Variants in DOK1 observed in about 807,000 individuals in gnomAD.
DOK1 encodes Downstream of tyrosine kinase 1.
In DOK1, 12 loss-of-function variants were observed where a neutral mutation model predicts 24.0. The observed-to-expected ratio is 0.50, with a 90% confidence interval of 0.32 to 0.81. The LOEUF is 0.81. Among genes scored for constraint, DOK1 ranks in the 30% least tolerant of loss-of-function variants. DOK1 has a pLI of 0.03. For synonymous variants in DOK1, 250 were observed against 260.9 expected (o/e 0.96, Z 0.40); for missense variants, 591 against 620.7 (o/e 0.95, Z 0.51).
chr2:74,554,895 G>A lies in DOK1; in HGVS notation c.60+81G>A. 7 of 1,585,654 alleles carry A rather than the reference G, an allele frequency of 4.4e-6. No homozygotes were observed. Among genetic ancestry groups the A allele is most frequent in the Non-Finnish European group, 6.0e-6 (7 of 1,165,132 alleles). On this transcript the variant is annotated intron_variant, in intron 1 of 4. Transcript: ENST00000233668. This position sits in a 1 kb window ranked among gnomAD's most constrained non-coding sequence, Gnocchi z 4.9. Reference sequence around the variant, plus strand: ...CCAGAAACAGGGAGAGGTGGGCAGCGGGCTGGAGAGCGGCGCCGGGAGTTG... The same window carrying A: ...CCAGAAACAGGGAGAGGTGGGCAGCAGGCTGGAGAGCGGCGCCGGGAGTTG...
At chr2:74,554,531 C>T (rs1677253983), upstream of DOK1, 3 of 573,782 alleles carry the variant, frequency 5.2e-6, no homozygotes, top group South Asian at 4.2e-5. The surrounding 1 kb of genome is among the most constrained non-coding windows in gnomAD (Gnocchi z 4.9). Context: ...GCCACTGGCG[C>T]GCCCCCACGA....
chr2:74,553,492 C>T (rs573887695), upstream of DOK1, among the ~76,000 whole-genome samples: 14 of 152,318 alleles, frequency 9.2e-5, no homozygotes, highest in Admixed American at 3.3e-4. Context: ...AGGCCAGGCG[C>T]TATGGCTCCT....
At chr2:74,552,459 T>G, upstream of DOK1, 3 of 1,613,772 alleles carry the variant, frequency 1.9e-6, no homozygotes, top group Non-Finnish European at 2.5e-6. Flanking sequence ...TCGCTGTATC[T>G]CCACGCGGCC....
At chr2:74,549,770 G>A, upstream of DOK1, 1 of 1,428,678 alleles carries the variant, frequency 7.0e-7, no homozygotes, top group Admixed American at 2.9e-5. This position sits in a 1 kb window ranked among gnomAD's most constrained non-coding sequence, Gnocchi z 5.3. Context: ...CCAGCAGCGC[G>A]TGGGATGTGC....
In DOK1 at chr2:74,549,668, G is replaced by T; in HGVS notation, c.-358+496G>T. The T allele has an allele frequency of 6.7e-7, 1 of 1,486,112 alleles. No individual in the cohort carries two copies. Among genetic ancestry groups the T allele is most frequent in the Non-Finnish European group, 9.0e-7 (1 of 1,111,160 alleles). 92.1% of individuals were successfully genotyped at this position (1,486,112 alleles called of 1,614,324 possible). A position where few individuals can be genotyped will look rare whatever the true frequency, so the allele number is the denominator to read the frequency against. On this transcript the variant is annotated intron_variant, in intron 1 of 4. Coordinates refer to the DOK1 transcript ENST00000409429. This position sits in a 1 kb window ranked among gnomAD's most constrained non-coding sequence, Gnocchi z 5.3. ...GCCCTTAAGGAACCCTGCTTGGTGT[G>T]CCTGCTGTAAACCCAGTGGCGGGAT... is the stretch of plus-strand genomic sequence containing the variant.
At chr2:74,550,035 T>C, upstream of DOK1, 2 of 1,470,946 alleles carry the variant, frequency 1.4e-6, no homozygotes. Context: ...TTTTACAGCA[T>C]CTGGGAGCTC....
Position 74,555,190 on chromosome 2 carries a change from A to G in DOK1, c.97A>G (p.Ser33Gly). 2 of 1,613,406 alleles carry G rather than the reference A, an allele frequency of 1.2e-6. No individual in the cohort carries two copies. Among genetic ancestry groups the G allele is most frequent in the Non-Finnish European group, 8.5e-7 (1 of 1,179,974 alleles). ...GACCTGGGCCGTGCTCTACCCGGCC[A>G]GTCCCCACGGCGTAGCGCGGCTCGA... ...RKTWAVLYPA[S>G]PHGVARLEFF... is the part of the protein sequence containing the mutation. The change falls in exon 2 of 5, where the codon AGT becomes GGT. Residue 33 changes from serine to glycine, a missense_variant. By Grantham distance (56) the Ser-to-Gly change is moderately conservative (BLOSUM62 0). Transcript: ENST00000233668. This position sits in a 1 kb window ranked among gnomAD's most constrained non-coding sequence, Gnocchi z 6.1.
chr2:74,554,949 C>T lies in DOK1; in HGVS notation c.60+135C>T. Reference sequence around the variant, plus strand: ...AGCCTGTGACTTTCCCGTGAAGTTGCTTTGCACACTCCCGGGAAGCGTCTG... The same window carrying T: ...AGCCTGTGACTTTCCCGTGAAGTTGTTTTGCACACTCCCGGGAAGCGTCTG... On this transcript the variant is annotated intron_variant, in intron 1 of 4. Transcript: ENST00000233668. The surrounding 1 kb of genome is among the most constrained non-coding windows in gnomAD (Gnocchi z 4.9). 6.8e-7 allele frequency: 1 copy of T among 1,473,250 alleles called. No homozygotes were observed. Among genetic ancestry groups the T allele is most frequent in the East Asian group, 2.5e-5 (1 of 40,636 alleles). The allele number at this position is 1,473,250 out of a possible 1,614,324, so 91.3% of individuals were successfully genotyped here.
Position 74,556,869 on chromosome 2 carries a change from C to T in DOK1, c.1201C>T (p.Pro401Ser), listed in dbSNP as rs761349293. 4 of 1,613,994 alleles carry T rather than the reference C, an allele frequency of 2.5e-6. No homozygotes were observed. The highest frequency in any genetic ancestry group is 2.7e-5 in the African/African-American group (2 of 74,916). Residue 401 changes from proline (P) to serine (S), a missense_variant, in exon 5 of 5, where the codon CCC becomes TCC. Pro to Ser is a moderately conservative substitution (Grantham distance 74). Transcript: ENST00000233668. The surrounding 1 kb of genome is among the most constrained non-coding windows in gnomAD (Gnocchi z 4.1). ...ARVKEEGYEL[P>S]YNPATDDYAV... The stretch of plus-strand genomic sequence containing the variant: ...GGTGAAGGAGGAGGGCTATGAGCTC[C>T]CCTACAACCCTGCCACTGATGACTA...
At chr2:74,552,576 C>T (rs1677086974), upstream of DOK1, 3 of 1,601,524 alleles carry the variant, frequency 1.9e-6, no homozygotes, top group South Asian at 2.2e-5. Flanking sequence ...GCACGAACTG[C>T]ACAGCAGGCA....
rs146597184 is a variant in DOK1, at chr2:74,556,417, A to G, written c.749A>G (p.His250Arg). 17 of 1,613,968 alleles carry G rather than the reference A, an allele frequency of 1.1e-5. No homozygotes were observed. In the African/African-American group the frequency reaches 1.9e-4, roughly 18 times the overall value. ...TTCCAGGCAGTTGAGACTGCCATCCACCGGCAGAAGGCCCAGGGAAAGGCC... is the reference window on the plus strand; with the variant it reads ...TTCCAGGCAGTTGAGACTGCCATCCGCCGGCAGAAGGCCCAGGGAAAGGCC... ...DIFQAVETAI[H>R]RQKAQGKAGQ... The change falls in exon 5 of 5, where the codon CAC (histidine) becomes CGC (arginine). Residue 250 changes from histidine to arginine, a missense_variant. Transcript: ENST00000233668. This position sits in a 1 kb window ranked among gnomAD's most constrained non-coding sequence, Gnocchi z 4.1.
Position 74,555,520 on chromosome 2 carries a change from C to A in DOK1, c.361-55C>A. On this transcript the variant is annotated intron_variant, in intron 2 of 4. Transcript: ENST00000233668. The surrounding 1 kb of genome is among the most constrained non-coding windows in gnomAD (Gnocchi z 6.1). Reference sequence around the variant, plus strand: ...GCAGAGAAATGGGGCTGCCTCAGACCGACCCCCGCTCCCCGCTGAGGAAAT... The same window carrying A: ...GCAGAGAAATGGGGCTGCCTCAGACAGACCCCCGCTCCCCGCTGAGGAAAT... 2 of 1,612,766 alleles carry A rather than the reference C, an allele frequency of 1.2e-6. No homozygotes were observed. The highest frequency in any genetic ancestry group is 1.7e-6 in the Non-Finnish European group (2 of 1,179,592).
chr2:74,549,383 G>A lies in DOK1; in HGVS notation c.-358+211G>A. 1.2e-6 allele frequency: 2 copies of A among 1,607,718 alleles called. No individual in the cohort carries two copies. Among genetic ancestry groups the A allele is most frequent in the Non-Finnish European group, 1.7e-6 (2 of 1,176,978 alleles). The stretch of plus-strand genomic sequence containing the variant: ...CGGCCCCTCACCTGTAGAAGGCCGC[G>A]TTGACCCTCTTTTCGCTGGGGAAGC... On this transcript the variant is annotated intron_variant, in intron 1 of 4. Transcript: ENST00000409429. The surrounding 1 kb of genome is among the most constrained non-coding windows in gnomAD (Gnocchi z 5.3).
upstream of DOK1, chr2:74,550,140 G>C (rs760252644): frequency 1.9e-6 from 3 of 1,579,914 alleles, no homozygotes; most frequent in African/African-American, 1.3e-5. Flanking sequence ...CAGTACTCTC[G>C]GCTATCCTGG....
At chr2:74,551,532 G>A (rs1356853976), upstream of DOK1, among the ~76,000 whole-genome samples, 1 of 152,226 alleles carries the variant, frequency 6.6e-6, no homozygotes, top group Non-Finnish European at 1.5e-5. Context: ...GCTATGCAAG[G>A]TTTTTACTTT....
At position 74,555,095 on chromosome 2, in the gene DOK1, C is replaced by G; in HGVS notation, c.61-59C>G. On this transcript the variant is annotated intron_variant, in intron 1 of 4. Coordinates refer to ENST00000233668, the MANE Select transcript of DOK1 (RefSeq NM_001381.5). This position sits in a 1 kb window ranked among gnomAD's most constrained non-coding sequence, Gnocchi z 6.1. ...CTTGCGCCGCAACCTCCTTCCCCGT[C>G]GGGACCCGGGCCGCCTGCGCACGCC... 6.5e-7 allele frequency: 1 copy of G among 1,547,770 alleles called. No individual in the cohort carries two copies.
At chr2:74,554,606 C>G (rs960451761), upstream of DOK1, 71 of 704,630 alleles carry the variant, frequency 1.0e-4, no homozygotes, top group South Asian at 2.4e-4. This position sits in a 1 kb window ranked among gnomAD's most constrained non-coding sequence, Gnocchi z 4.9. Context: ...CATTCCTTCT[C>G]GCTCCTCTCC....
In DOK1 at chr2:74,555,527, C is replaced by A; in HGVS notation, c.361-48C>A. 6.2e-7 allele frequency: 1 copy of A among 1,613,352 alleles called. No individual in the cohort carries two copies. Reference sequence around the variant, plus strand: ...AATGGGGCTGCCTCAGACCGACCCCCGCTCCCCGCTGAGGAAATTACGGGT... The same window carrying A: ...AATGGGGCTGCCTCAGACCGACCCCAGCTCCCCGCTGAGGAAATTACGGGT... On this transcript the variant is annotated intron_variant, in intron 2 of 4. Transcript: ENST00000233668. This position sits in a 1 kb window ranked among gnomAD's most constrained non-coding sequence, Gnocchi z 6.1.
Position 74,555,042 on chromosome 2 carries a change from C to G in DOK1, c.61-112C>G. The G allele has an allele frequency of 3.5e-6, 5 of 1,433,718 alleles. No individual in the cohort carries two copies. Among genetic ancestry groups the G allele is most frequent in the Non-Finnish European group, 4.7e-6 (5 of 1,069,552 alleles). 88.8% of individuals were successfully genotyped at this position (1,433,718 alleles called of 1,614,324 possible). A position where few individuals can be genotyped will look rare whatever the true frequency, so the allele number is the denominator to read the frequency against. ...CCTTGGGAAACTTCGCCCCCAACCC[C>G]GTTTGGAAGCCCCAGATCCCAAATC... On this transcript the variant is annotated intron_variant, in intron 1 of 4. Transcript: ENST00000233668. The surrounding 1 kb of genome is among the most constrained non-coding windows in gnomAD (Gnocchi z 6.1).
Sources: gnomAD v4.1 joint callset for allele counts (sites outside exome capture counted in the v4.1 genomes callset) on GRCh38, gnomAD v4.1.1 for gene constraint, Gnocchi (gnomAD v3.1) non-coding constraint, MANE v1.5 for transcripts, NCBI Gene and HGNC (gene_info 2026-07-23, HGNC 2026-07-21) for gene names.